The following HTR1E variants were observed in gnomAD, a reference collection of about 807,000 sequenced individuals.
HTR1E encodes the protein 5-HT-1E.
HTR1E carries 3 observed loss-of-function variants against 3.4 expected under a neutral mutation model. The ratio of observed to expected loss-of-function variants is 0.89; its 90% CI spans 0.41 to 2.31. HTR1E has a LOEUF of 2.31. Among genes scored for constraint, HTR1E ranks in the 30% most tolerant of loss-of-function variants. HTR1E has a pLI of 0.05. For missense variants in HTR1E, 392 were observed against 467.0 expected (o/e 0.84, Z 1.48); for synonymous variants, 170 against 182.8 (o/e 0.93, Z 0.56).
chr6:86,958,678 T>C (rs1255404087), intron 1 of HTR1E, among the ~76,000 whole-genome samples: 1 of 152,194 alleles, frequency 6.6e-6, no homozygotes, highest in East Asian at 1.9e-4. Flanking sequence ...TTGTCTGCTA[T>C]AAAACTCTGA....
chr6:86,992,704 A>C (rs1767888482), intron 1 of HTR1E, among the ~76,000 whole-genome samples: 2 of 152,218 alleles, frequency 1.3e-5, no homozygotes, highest in Non-Finnish European at 2.9e-5. Flanking sequence ...ATGTGCAAGC[A>C]CTTTGGCAAA....
chr6:87,009,922 C>T (rs1226754737), intron 1 of HTR1E, among the ~76,000 whole-genome samples: 4 of 125,204 alleles, frequency 3.2e-5, no homozygotes, highest in African/African-American at 3.3e-5. Flanking sequence ...GGCGGCTGGC[C>T]GGGCAGAGGG....
At chr6:86,993,469 A>G (rs921308971) in intron 1 of HTR1E, among the ~76,000 whole-genome samples, 1 of 152,036 alleles carries the variant, frequency 6.6e-6, no homozygotes, top group Non-Finnish European at 1.5e-5. Context: ...TTTGCTCTTC[A>G]CAGAGCAAGT....
chr6:86,982,201 T>A (rs909184270), intron 1 of HTR1E, among the ~76,000 whole-genome samples: 1 of 152,222 alleles, frequency 6.6e-6, no homozygotes, highest in African/African-American at 2.4e-5. Context: ...CCTGTAGGCA[T>A]CTACCTCCTC....
At chr6:86,982,515 G>C (rs1439998561) in intron 1 of HTR1E, among the ~76,000 whole-genome samples, 1 of 152,164 alleles carries the variant, frequency 6.6e-6, no homozygotes, top group African/African-American at 2.4e-5. Flanking sequence ...TCCAGGAATG[G>C]GTCAGCCCTG....
At chr6:86,974,907 T>A (rs960051436) in intron 1 of HTR1E, among the ~76,000 whole-genome samples, 1 of 152,192 alleles carries the variant, frequency 6.6e-6, no homozygotes, top group African/African-American at 2.4e-5. Context: ...CACCATTCTT[T>A]GAGCATTTCT....
At chr6:86,973,336 G>A (rs1026445733) in intron 1 of HTR1E, among the ~76,000 whole-genome samples, 1 of 151,610 alleles carries the variant, frequency 6.6e-6, no homozygotes, top group Non-Finnish European at 1.5e-5. Context: ...GTGTGTCTGT[G>A]TGTGTGTCTG....
chr6:87,007,563 C>T (rs991032531), intron 1 of HTR1E, among the ~76,000 whole-genome samples: 1 of 152,048 alleles, frequency 6.6e-6, no homozygotes, highest in Non-Finnish European at 1.5e-5. Context: ...TTGTTGTATG[C>T]CTGTATCAAA....
intron 1 of HTR1E, chr6:86,971,028 C>G (rs1265466106): frequency 6.0e-6 from 3 of 501,514 alleles, no homozygotes; most frequent in Non-Finnish European, 1.2e-5. Flanking sequence ...TTCATGAGAT[C>G]TATACTGTTG....
At chr6:86,945,975 G>A (rs544420206) in intron 1 of HTR1E, among the ~76,000 whole-genome samples, 4 of 152,082 alleles carry the variant, frequency 2.6e-5, no homozygotes, top group Admixed American at 2.0e-4. Flanking sequence ...CTGACCTCAG[G>A]TGGTTTACCT....
chr6:86,977,858 C>T (rs918275756), intron 1 of HTR1E, among the ~76,000 whole-genome samples: 5 of 152,106 alleles, frequency 3.3e-5, no homozygotes, highest in Non-Finnish European at 5.9e-5. Context: ...TTGTATCACT[C>T]CCTTTAAGAA....
chr6:86,966,741 G>T (rs1026496820), intron 1 of HTR1E, among the ~76,000 whole-genome samples: 2 of 152,164 alleles, frequency 1.3e-5, no homozygotes, highest in African/African-American at 4.8e-5. Flanking sequence ...GATGGAGTTT[G>T]CCAGGCAGAG....
intron 1 of HTR1E, among the ~76,000 whole-genome samples, chr6:87,007,066 T>C (rs1172058041): frequency 1.3e-5 from 2 of 152,200 alleles, no homozygotes; most frequent in East Asian, 3.8e-4. Context: ...CCTGCACATG[T>C]ACCCTGGAAC....
In HTR1E at chr6:86,983,771, G is replaced by A. The variant is rs577647767; in HGVS notation, c.-185-31379G>A. ...ATATGCATGTATCAAAACATCACAT[G>A]TACCCCATAAATATGTACAACTTAT... On this transcript the variant is annotated intron_variant, in intron 1 of 1. Coordinates refer to ENST00000305344, the MANE Select transcript of HTR1E (RefSeq NM_000865.3). Among the ~76,000 whole-genome samples, 103 of 152,100 alleles carry A rather than the reference G, an allele frequency of 6.8e-4. 1 individual carries two copies. The highest frequency in any genetic ancestry group is 3.4e-3 in the Middle Eastern group (1 of 292).
chr6:86,976,790 G>A (rs946010644), intron 1 of HTR1E, among the ~76,000 whole-genome samples: 1 of 152,104 alleles, frequency 6.6e-6, no homozygotes, highest in Non-Finnish European at 1.5e-5. Context: ...TCAAATCCAG[G>A]TTATGAAATC....
intron 1 of HTR1E, among the ~76,000 whole-genome samples, chr6:87,012,892 C>T (rs1384385142): frequency 3.3e-5 from 5 of 152,206 alleles, no homozygotes; most frequent in African/African-American, 1.2e-4. Flanking sequence ...GCAGGGTCAG[C>T]ATTCAGAGTC....
chr6:86,963,749 C>T (rs765877543), intron 1 of HTR1E, among the ~76,000 whole-genome samples: 6 of 152,118 alleles, frequency 3.9e-5, no homozygotes, highest in Non-Finnish European at 7.3e-5. Flanking sequence ...AGCGTAGGAG[C>T]AATAGGCTAT....
chr6:87,001,128 T>C (rs1437637002), intron 1 of HTR1E, among the ~76,000 whole-genome samples: 1 of 152,038 alleles, frequency 6.6e-6, no homozygotes, highest in African/African-American at 2.4e-5. Flanking sequence ...GCCAGCCTCA[T>C]GGTAACCAAA....
At chr6:86,984,351 G>A (rs1767753874) in intron 1 of HTR1E, among the ~76,000 whole-genome samples, 1 of 152,118 alleles carries the variant, frequency 6.6e-6, no homozygotes, top group Non-Finnish European at 1.5e-5. Flanking sequence ...GATTTAAACT[G>A]ATCAATCCAC....
Sources: allele counts gnomAD v4.1 joint callset (sites outside exome capture counted in the v4.1 genomes callset), GRCh38; gene constraint gnomAD v4.1.1; transcripts MANE v1.5; gene names NCBI Gene and HGNC (gene_info 2026-07-23, HGNC 2026-07-21).